AKR1C2: variants seen among roughly 807,000 people sequenced by gnomAD.
AKR1C2 encodes aldo-keto reductase family 1 member C2, also known as 3-alpha-HSD3.
Under a neutral mutation model 39.8 loss-of-function variants are expected in AKR1C2, and 27 were observed. The observed-to-expected ratio is 0.68, with a 90% CI of 0.50 to 0.93. The LOEUF (loss-of-function observed/expected upper bound fraction) is 0.93, where lower values mean the gene tolerates loss of function less well. AKR1C2 is among the 40% of genes least tolerant of loss of function. The pLI is 0.00. For synonymous variants in AKR1C2, 114 were observed against 137.9 expected (o/e 0.83, Z 1.22); for missense variants, 263 against 365.1 (o/e 0.72, Z 2.28).
At chr10:5,005,525 C>CA (rs57669101), upstream of AKR1C2, among the ~76,000 whole-genome samples, 147,879 of 150,332 alleles carry the variant, frequency 0.98, 72,741 homozygotes, top group East Asian at 1. Context: ...TACTAAAATC[C>CA]AAAAAAAAAT....
chr10:5,000,000 A>G, intron 3 of AKR1C2: 1 of 1,023,910 alleles, frequency 9.8e-7, no homozygotes, highest in Non-Finnish European at 1.2e-6. Flanking sequence ...CAGTACCTTA[A>G]GACAAAAGTT....
At chr10:5,005,219 C>T (rs1837375128), upstream of AKR1C2, among the ~76,000 whole-genome samples, 1 of 152,082 alleles carries the variant, frequency 6.6e-6, no homozygotes, top group Non-Finnish European at 1.5e-5. Context: ...ACACAGTCCA[C>T]ATAGGTACAT....
At position 4,995,769 on chromosome 10, in the gene AKR1C2, G is replaced by A. The variant is rs782266548; in HGVS notation, c.667C>T (p.Arg223Ter). 14 of 1,611,272 alleles carry A rather than the reference G, an allele frequency of 8.7e-6. No individual in the cohort carries two copies. In the Admixed American group the frequency reaches 1.2e-4, roughly 14 times the overall value. The change falls in exon 6 of 9, where the codon CGA (arginine) becomes TGA (stop). Residue 223 changes from arginine to a stop codon, truncating the protein, a stop_gained. Coordinates refer to ENST00000380753, the MANE Select transcript of AKR1C2 (RefSeq NM_001393392.1). LOFTEE classifies it high-confidence loss of function. ...ATCTCTTATTACCATGGTTCTTCTC[G>A]ATGGGATCCCAGAGCACTATAGGCA... ...LVAYSALGSH[R>*]EEPWVDPNSP...
At chr10:4,999,810 T>C in intron 3 of AKR1C2, 2 of 505,632 alleles carry the variant, frequency 4.0e-6, no homozygotes, top group Non-Finnish European at 5.1e-6. Flanking sequence ...AAGCCATAAA[T>C]GCCACCAACG....
intron 7 of AKR1C2, among the ~76,000 whole-genome samples, 172 bp downstream of exon 7, chr10:4,995,147 T>C (rs1248549622): frequency 8.4e-6 from 1 of 119,366 alleles, no homozygotes; most frequent in Non-Finnish European, 1.7e-5. Context: ...TCCACCTCTG[T>C]TGCCTCTCCT....
intron 7 of AKR1C2, among the ~76,000 whole-genome samples, chr10:4,992,949 CA>C (rs1184644390): frequency 1.1e-4 from 16 of 143,630 alleles, no homozygotes; most frequent in East Asian, 2.0e-4. Flanking sequence ...GACTCTGTCT[CA>C]AAAAAAAAAT....
intron 7 of AKR1C2, among the ~76,000 whole-genome samples, chr10:4,994,417 G>GTAAGAGGT (rs1417619277): frequency 1.3e-5 from 2 of 152,086 alleles, no homozygotes; most frequent in East Asian, 3.9e-4. Flanking sequence ...GTTCCTTCCA[G>GTAAGAGGT]TAAGAGGTGG....
chr10:5,002,947 T>C (rs557502893), intron 1 of AKR1C2, among the ~76,000 whole-genome samples: 8 of 152,230 alleles, frequency 5.3e-5, no homozygotes, highest in Non-Finnish European at 1.0e-4. Context: ...TTATGTCTTA[T>C]AGATGAGAAA....
At position 4,999,295 on chromosome 10, in the gene AKR1C2, A is replaced by G. The variant is rs1837173928; in HGVS notation, c.370-18T>C. ...TCACCTGGCTGAAGTAGAAGCAGTC[A>G]GTTTAGTGATGTCACAAGTCAATTT... On this transcript the variant is annotated intron_variant, in intron 3 of 8. Transcript: ENST00000380753. The G allele has an allele frequency of 6.4e-7, 1 of 1,564,004 alleles. No homozygotes were observed. The highest frequency in any genetic ancestry group is 2.0e-5 in the Admixed American group (1 of 50,544).
chr10:4,992,485 C>T (rs138347240), intron 7 of AKR1C2, among the ~76,000 whole-genome samples: 3,569 of 151,764 alleles, frequency 0.024, 154 homozygotes, highest in African/African-American at 0.08. Context: ...TGTATAAATC[C>T]ATAGGGAAAC....
At position 5,014,358 on chromosome 10, in the gene AKR1C2, T is replaced by G. The variant is rs7073715; in HGVS notation, c.-88+3542A>C. On this transcript the variant is annotated intron_variant, in intron 1 of 6. Coordinates refer to the AKR1C2 transcript ENST00000604507. Reference sequence around the variant, plus strand: ...TGGGCTCGTTTTTAGCACAAAGGTCTCACTGTTGTGTTATCCTTTCCAAGT... The same window carrying G: ...TGGGCTCGTTTTTAGCACAAAGGTCGCACTGTTGTGTTATCCTTTCCAAGT... 6.7e-3 allele frequency among the ~76,000 whole-genome samples: 1,025 copies of G among 152,328 alleles called. 14 individuals are homozygous for G. The highest frequency in any genetic ancestry group is 0.023 in the African/African-American group (974 of 41,558).
upstream of AKR1C2, among the ~76,000 whole-genome samples, chr10:5,008,982 C>A (rs1260918404): frequency 1.3e-5 from 2 of 152,100 alleles, no homozygotes; most frequent in Non-Finnish European, 2.9e-5. Context: ...GAAGTCATGT[C>A]TGTGAGAGGC....
rs556747143 is a variant in AKR1C2, at chr10:4,988,591, T to C, written c.*1405A>G. On this transcript the variant is annotated 3_prime_UTR_variant, in exon 9 of 9. Coordinates refer to ENST00000380753, the MANE Select transcript of AKR1C2 (RefSeq NM_001393392.1). The stretch of plus-strand genomic sequence containing the variant: ...ATAGAATAAGTAATTTACAGAAAAA[T>C]TGTGAGCTGCAAAACTTGCTGGGAT... 3 of 151,992 alleles carry C rather than the reference T, an allele frequency of 2.0e-5. No homozygotes were observed. Among genetic ancestry groups the C allele is most frequent in the Non-Finnish European group, 2.9e-5 (2 of 68,010 alleles). 9.4% of individuals were successfully genotyped at this position (151,992 alleles called of 1,614,324 possible).
At chr10:5,009,421 T>C (rs1237422896) in intron 1 of AKR1C2, among the ~76,000 whole-genome samples, 5 of 152,058 alleles carry the variant, frequency 3.3e-5, no homozygotes, top group African/African-American at 1.2e-4. Flanking sequence ...ACTCAGCAGC[T>C]TGCACACCTT....
At chr10:5,001,706 T>G (rs1554773863) in intron 1 of AKR1C2, 25 bp from the exon 2 acceptor site, 1 of 1,613,086 alleles carries the variant, frequency 6.2e-7, no homozygotes, top group Admixed American at 1.7e-5. Context: ...AAACGTAATA[T>G]TTTCTGACTA....
At chr10:4,992,396 T>C (rs1425735449) in intron 7 of AKR1C2, among the ~76,000 whole-genome samples, 2 of 152,194 alleles carry the variant, frequency 1.3e-5, no homozygotes, top group African/African-American at 4.8e-5. Flanking sequence ...TCAAAAGGTG[T>C]GGGTACTCAC....
intron 7 of AKR1C2, among the ~76,000 whole-genome samples, chr10:4,993,466 CATA>C (rs1836910508): frequency 6.6e-6 from 1 of 152,096 alleles, no homozygotes; most frequent in Non-Finnish European, 1.5e-5. Flanking sequence ...CCTTATTTCA[CATA>C]ATATTTTAAA....
upstream of AKR1C2, among the ~76,000 whole-genome samples, chr10:5,008,292 C>T (rs367846387): frequency 0.17 from 20,511 of 117,632 alleles, 3,082 homozygotes; most frequent in Non-Finnish European, 0.23. Context: ...TCTTTCTGGG[C>T]ATCCAGGATT....
chr10:4,997,980 G>T (rs541812300), intron 5 of AKR1C2, among the ~76,000 whole-genome samples: 32 of 151,564 alleles, frequency 2.1e-4, no homozygotes, highest in African/African-American at 7.3e-4. Flanking sequence ...GACTAGGAGC[G>T]GGGCAGTCAT....
Sources: allele counts gnomAD v4.1 joint callset (sites outside exome capture counted in the v4.1 genomes callset), GRCh38; gene constraint gnomAD v4.1.1; transcripts MANE v1.5; gene names NCBI Gene and HGNC (gene_info 2026-07-23, HGNC 2026-07-21).